GRIA3: variants seen among roughly 807,000 people sequenced by gnomAD.
GRIA3 encodes the protein glutamate receptor 3.
In GRIA3, 3 loss-of-function variants were observed where a neutral mutation model predicts 63.0. The observed-to-expected ratio is 0.05, with a 90% confidence interval of 0.02 to 0.12. The LOEUF (loss-of-function observed/expected upper bound fraction) is 0.12, where lower values mean the gene tolerates loss of function less well. Ranked by LOEUF, GRIA3 falls within the 10% of genes least tolerant of loss-of-function variation. The pLI is 1.00. For synonymous variants in GRIA3, 274 were observed against 257.9 expected (o/e 1.06, Z -0.60); for missense variants, 347 against 700.9 (o/e 0.50, Z 5.70).
chrX:123,229,060 C>T (rs1017316536), intron 2 of GRIA3, among the ~76,000 whole-genome samples: 5 of 111,683 alleles, frequency 4.5e-5, no homozygotes, highest in Non-Finnish European at 9.4e-5. Context: ...CACACCAGAT[C>T]GTGCCCATCT....
intron 3 of GRIA3, among the ~76,000 whole-genome samples, chrX:123,254,366 C>T (rs1423605754): frequency 1.8e-5 from 2 of 111,501 alleles, no homozygotes; most frequent in Non-Finnish European, 3.8e-5. Context: ...TCTAATCAGG[C>T]TCCTCCAACA....
intron 5 of GRIA3, among the ~76,000 whole-genome samples, chrX:123,391,782 A>G (rs962258625): frequency 4.5e-5 from 5 of 112,216 alleles, no homozygotes; most frequent in African/African-American, 1.6e-4. Context: ...CCTGGTGATG[A>G]TGGTGGCTGC....
At chrX:123,249,060 G>A (rs1465503695) in intron 2 of GRIA3, among the ~76,000 whole-genome samples, 2 of 111,549 alleles carry the variant, frequency 1.8e-5, no homozygotes, top group Non-Finnish European at 3.8e-5. Flanking sequence ...CCTGACCCAC[G>A]CTGCAAAAGA....
At position 123,186,141 on chromosome X, in the gene GRIA3, T is replaced by A. The variant is rs184219341; in HGVS notation, c.268+151T>A. The A allele has an allele frequency of 2.4e-4, 127 of 527,546 alleles. No individual in the cohort carries two copies. In the African/African-American group the frequency reaches 2.4e-3, roughly 10 times the overall value. 43.5% of individuals were successfully genotyped at this position (527,546 alleles called of 1,213,427 possible). The stretch of plus-strand genomic sequence containing the variant: ...TCCATCCGGTTTCATGTTGCATAAA[T>A]CAACTCCAAATGATACTGCTGAGGG... On this transcript the variant is annotated intron_variant, in intron 2 of 15. Transcript: ENST00000620443.
intron 4 of GRIA3, among the ~76,000 whole-genome samples, chrX:123,331,008 T>C (rs1427215419): frequency 8.9e-6 from 1 of 112,205 alleles, no homozygotes; most frequent in Non-Finnish European, 1.9e-5. Flanking sequence ...ATTATATATC[T>C]AAAAGGCTGT....
At chrX:123,389,998 G>A (rs759268338) in intron 5 of GRIA3, among the ~76,000 whole-genome samples, 21 of 111,853 alleles carry the variant, frequency 1.9e-4, no homozygotes, top group Admixed American at 7.6e-4. Context: ...GAGCCACCGC[G>A]CCTGGCCCAG....
chrX:123,358,976 G>GA (rs1365092756), intron 5 of GRIA3, among the ~76,000 whole-genome samples: 1 of 110,592 alleles, frequency 9.0e-6, no homozygotes, highest in African/African-American at 3.3e-5. Context: ...ATAATAAGAA[G>GA]AAAAAAAAGC....
chrX:123,325,108 T>C (rs1339075101), intron 3 of GRIA3, among the ~76,000 whole-genome samples: 2 of 112,143 alleles, frequency 1.8e-5, no homozygotes, highest in Non-Finnish European at 3.8e-5. Flanking sequence ...ATTATATCTA[T>C]AGTTGAAGTT....
At chrX:123,204,302 G>T in intron 2 of GRIA3, 1 of 701,243 alleles carries the variant, frequency 1.4e-6, no homozygotes, top group Non-Finnish European at 2.2e-6. Context: ...TGGGCATCCT[G>T]CAGGGAGGCT....
rs775015846 is a variant in GRIA3, at chrX:123,316,145, A to T, written c.509-9881A>T. Among the ~76,000 whole-genome samples, 3 of 111,749 alleles carry T rather than the reference A, an allele frequency of 2.7e-5. No individual in the cohort carries two copies. In the South Asian group the frequency reaches 1.1e-3, roughly 42 times the overall value. ...AAATATTAAAAGTAAAATACACTGGATTAAATATATGGCATATGTCAAGAT... is the reference window on the plus strand; with the variant it reads ...AAATATTAAAAGTAAAATACACTGGTTTAAATATATGGCATATGTCAAGAT... On this transcript the variant is annotated intron_variant, in intron 3 of 15. Coordinates refer to ENST00000620443, the MANE Select transcript of GRIA3 (RefSeq NM_007325.5).
At chrX:123,284,920 G>A (rs893045211) in intron 3 of GRIA3, among the ~76,000 whole-genome samples, 1 of 110,859 alleles carries the variant, frequency 9.0e-6, no homozygotes, top group Admixed American at 9.6e-5. Flanking sequence ...GATACTCCTC[G>A]AGAAGAGCAA....
At chrX:123,381,321 C>T (rs1222527358) in intron 5 of GRIA3, among the ~76,000 whole-genome samples, 1 of 111,433 alleles carries the variant, frequency 9.0e-6, no homozygotes. Flanking sequence ...TACCTTAGCC[C>T]ACACATCTCT....
chrX:123,247,974 C>A (rs2044368731), intron 2 of GRIA3, among the ~76,000 whole-genome samples: 1 of 111,975 alleles, frequency 8.9e-6, no homozygotes, highest in African/African-American at 3.2e-5. Flanking sequence ...AGGACAGGAT[C>A]TTTTTCACTC....
intron 5 of GRIA3, among the ~76,000 whole-genome samples, chrX:123,375,861 G>A (rs1369571478): frequency 8.9e-6 from 1 of 112,192 alleles, no homozygotes. Context: ...TAGATGTTCT[G>A]TGGTCATGTC....
chrX:123,291,585 GAAAAA>G (rs1240425352), intron 3 of GRIA3, among the ~76,000 whole-genome samples: 1 of 110,919 alleles, frequency 9.0e-6, no homozygotes, highest in Non-Finnish European at 1.9e-5. Flanking sequence ...AAAAAGAAAA[GAAAAA>G]AAGTACAATT....
At chrX:123,438,525 T>C (rs1046893732) in intron 12 of GRIA3, among the ~76,000 whole-genome samples, 3 of 112,065 alleles carry the variant, frequency 2.7e-5, no homozygotes, top group African/African-American at 9.7e-5. Flanking sequence ...TTATCTGCTA[T>C]AACTTTTTTT....
intron 12 of GRIA3, among the ~76,000 whole-genome samples, chrX:123,434,913 C>A (rs1219955567): frequency 8.9e-6 from 1 of 112,433 alleles, no homozygotes; most frequent in Non-Finnish European, 1.9e-5. Context: ...GCAATAAAGA[C>A]AAGCTAATAA....
intron 12 of GRIA3, among the ~76,000 whole-genome samples, chrX:123,453,268 A>C (rs2045743400): frequency 9.0e-6 from 1 of 111,240 alleles, no homozygotes; most frequent in African/African-American, 3.3e-5. Flanking sequence ...GGAAACCATC[A>C]TTCTGAGCAA....
At chrX:123,476,123 AT>A (rs1294560314) in intron 13 of GRIA3, among the ~76,000 whole-genome samples, 1 of 112,042 alleles carries the variant, frequency 8.9e-6, no homozygotes, top group Non-Finnish European at 1.9e-5. Context: ...TTTGACAAGT[AT>A]TTATTAAGAA....
Sources: allele counts gnomAD v4.1 joint callset (sites outside exome capture counted in the v4.1 genomes callset), GRCh38; gene constraint gnomAD v4.1.1; transcripts MANE v1.5; gene names NCBI Gene and HGNC (gene_info 2026-07-23, HGNC 2026-07-21).